RAB30: variants seen among roughly 807,000 people sequenced by gnomAD.
RAB30 encodes the protein ras-related protein Rab-30.
RAB30 carries 9 observed loss-of-function variants against 25.1 expected under a neutral mutation model. That is an observed-to-expected ratio of 0.36 (90% CI 0.22 to 0.63). RAB30 has a LOEUF of 0.63. Ranked by LOEUF, RAB30 falls within the 20% of genes least tolerant of loss-of-function variation. The pLI is 0.69. For missense variants in RAB30, 140 were observed against 243.5 expected (o/e 0.58, Z 2.83); for synonymous variants, 77 against 86.4 (o/e 0.89, Z 0.60).
chr11:83,007,650 G>A lies in RAB30; in HGVS notation c.-8-10326C>T, dbSNP rs542367447. On this transcript the variant is annotated intron_variant, in intron 1 of 4. Coordinates refer to ENST00000527633, the MANE Select transcript of RAB30 (RefSeq NM_001286060.2). ...GCACAGATTTGGTTTTCCACATATA[G>A]GTGAGAAGAGAAGGGAAGAGGCCAC... 2.0e-5 allele frequency among the ~76,000 whole-genome samples: 3 copies of A among 152,288 alleles called. 1 individual carries two copies. The highest frequency in any genetic ancestry group is 4.8e-5 in the African/African-American group (2 of 41,558).
At chr11:83,068,146 A>C (rs1245204360) in intron 1 of RAB30, among the ~76,000 whole-genome samples, 2 of 148,994 alleles carry the variant, frequency 1.3e-5, no homozygotes, top group Admixed American at 6.7e-5. Flanking sequence ...AAAAATACAA[A>C]CGTTAGCTGA....
chr11:82,988,121 C>T (rs958791946), intron 3 of RAB30, among the ~76,000 whole-genome samples: 1 of 152,114 alleles, frequency 6.6e-6, no homozygotes, highest in Non-Finnish European at 1.5e-5. Context: ...CCTGTGGCAA[C>T]TCACTTATTC....
At chr11:83,017,425 T>C (rs1238570716) in intron 1 of RAB30, among the ~76,000 whole-genome samples, 1 of 152,158 alleles carries the variant, frequency 6.6e-6, no homozygotes, top group Non-Finnish European at 1.5e-5. Flanking sequence ...CAGGTGGTTT[T>C]TTGTTACATG....
chr11:83,065,955 G>C (rs1858687573), intron 1 of RAB30, among the ~76,000 whole-genome samples: 1 of 152,194 alleles, frequency 6.6e-6, no homozygotes, highest in African/African-American at 2.4e-5. Context: ...AATTTAACAT[G>C]ATCTCAAAGG....
At chr11:83,040,592 C>CAA (rs35973192) in intron 1 of RAB30, among the ~76,000 whole-genome samples, 6 of 121,120 alleles carry the variant, frequency 5.0e-5, no homozygotes, top group Non-Finnish European at 5.4e-5. Context: ...AACTCTGTCT[C>CAA]AAAAAAAAAA....
At chr11:83,060,705 G>A (rs1435237164) in intron 1 of RAB30, among the ~76,000 whole-genome samples, 1 of 152,146 alleles carries the variant, frequency 6.6e-6, no homozygotes, top group Non-Finnish European at 1.5e-5. Flanking sequence ...AGGGTACTGT[G>A]GTGGTTAATT....
intron 1 of RAB30, among the ~76,000 whole-genome samples, chr11:83,058,295 C>T (rs1858496896): frequency 6.6e-6 from 1 of 152,138 alleles, no homozygotes; most frequent in Non-Finnish European, 1.5e-5. Context: ...CTAATCTCAA[C>T]CCTTATTCAA....
chr11:83,058,333 T>A (rs1858497540), intron 1 of RAB30, among the ~76,000 whole-genome samples: 1 of 152,248 alleles, frequency 6.6e-6, no homozygotes, highest in African/African-American at 2.4e-5. Flanking sequence ...AATAATGGCC[T>A]TTATGGCAAA....
intron 3 of RAB30, among the ~76,000 whole-genome samples, chr11:82,991,887 G>GTAA (rs1184727135): frequency 2.0e-5 from 3 of 152,154 alleles, no homozygotes; most frequent in Admixed American, 1.3e-4. Context: ...TTTTTGCAGT[G>GTAA]TAATAAGCAC....
intron 3 of RAB30, among the ~76,000 whole-genome samples, chr11:82,989,980 A>G (rs1856818200): frequency 6.6e-6 from 1 of 152,266 alleles, no homozygotes; most frequent in African/African-American, 2.4e-5. Flanking sequence ...GCTGATTTCA[A>G]ACAGCTCACA....
chr11:83,046,128 A>T lies in RAB30; in HGVS notation c.-9+25563T>A, dbSNP rs548869991. ...CTTTAACCTCATTACTTACCCAGGC[A>T]TATATGGGATATACTAAGCTGACTG... On this transcript the variant is annotated intron_variant, in intron 1 of 4. Transcript: ENST00000527633. Among the ~76,000 whole-genome samples the T allele has an allele frequency of 1.1e-4, 16 of 152,350 alleles. 1 individual carries two copies. Among genetic ancestry groups the T allele is most frequent in the African/African-American group, 3.8e-4 (16 of 41,590 alleles).
intron 1 of RAB30, among the ~76,000 whole-genome samples, chr11:83,000,513 G>C (rs1009916356): frequency 1.3e-5 from 2 of 152,206 alleles, no homozygotes; most frequent in African/African-American, 4.8e-5. Flanking sequence ...GAAGGCATGA[G>C]GCTCTGTGGA....
intron 1 of RAB30, among the ~76,000 whole-genome samples, chr11:83,042,029 C>CA (rs61607477): frequency 0.051 from 4,838 of 94,924 alleles, 110 homozygotes; most frequent in East Asian, 0.12. Flanking sequence ...GACTCTGTCT[C>CA]AAAAAAAAAA....
chr11:83,053,425 T>C (rs1301462412), intron 1 of RAB30, among the ~76,000 whole-genome samples: 2 of 152,228 alleles, frequency 1.3e-5, no homozygotes, highest in African/African-American at 4.8e-5. Flanking sequence ...TGAAATTGTA[T>C]ATTTAGTAAT....
chr11:83,009,110 C>G (rs1857250331), intron 1 of RAB30, among the ~76,000 whole-genome samples: 1 of 151,298 alleles, frequency 6.6e-6, no homozygotes, highest in Non-Finnish European at 1.5e-5. Flanking sequence ...TTCTCATCAC[C>G]CAGGCTGAAG....
At chr11:83,027,328 G>C (rs563215824) in intron 1 of RAB30, among the ~76,000 whole-genome samples, 2 of 152,108 alleles carry the variant, frequency 1.3e-5, no homozygotes, top group Non-Finnish European at 2.9e-5. Context: ...CGTGGATGAG[G>C]GGGAAACATA....
At chr11:83,042,937 G>A (rs1565287412) in intron 1 of RAB30, among the ~76,000 whole-genome samples, 1 of 152,118 alleles carries the variant, frequency 6.6e-6, no homozygotes. Context: ...TTGGATCCTG[G>A]ATTAAAAACG....
chr11:83,056,381 T>C (rs1006494118), intron 1 of RAB30, among the ~76,000 whole-genome samples: 2 of 152,232 alleles, frequency 1.3e-5, no homozygotes, highest in African/African-American at 4.8e-5. Context: ...AGCTGAGTAA[T>C]ATTCCACTGT....
intron 1 of RAB30, among the ~76,000 whole-genome samples, chr11:83,030,873 A>G (rs1406581505): frequency 6.6e-6 from 1 of 152,168 alleles, no homozygotes; most frequent in African/African-American, 2.4e-5. Context: ...TTGAAGCCCT[A>G]ATTCCCAGTA....
Sources: allele counts gnomAD v4.1 joint callset (sites outside exome capture counted in the v4.1 genomes callset), GRCh38; gene constraint gnomAD v4.1.1; transcripts MANE v1.5; gene names NCBI Gene and HGNC (gene_info 2026-07-23, HGNC 2026-07-21).